Variants in PDE5A observed in about 807,000 individuals in gnomAD.
PDE5A encodes the protein cGMP-specific 3',5'-cyclic phosphodiesterase.
A neutral mutation model predicts 110.2 loss-of-function variants in PDE5A; 67 were observed. The observed-to-expected ratio is 0.61, with a 90% CI of 0.50 to 0.75. The LOEUF (loss-of-function observed/expected upper bound fraction) is 0.75, where lower values mean the gene tolerates loss of function less well. Among genes scored for constraint, PDE5A ranks in the 30% least tolerant of loss-of-function variants. The probability of loss-of-function intolerance (pLI) is 0.00; values close to 1 mark genes in which losing one functional copy is unlikely to be tolerated. For synonymous variants in PDE5A, 328 were observed against 351.2 expected (o/e 0.93, Z 0.74); for missense variants, 862 against 1,045.1 (o/e 0.82, Z 2.42).
chr4:119,593,855 T>A (rs1729063834), intron 3 of PDE5A, among the ~76,000 whole-genome samples: 1 of 152,030 alleles, frequency 6.6e-6, no homozygotes, highest in Non-Finnish European at 1.5e-5. Flanking sequence ...AAACTTACAA[T>A]CATGGCAGAA....
chr4:119,574,471 G>A (rs563192299), intron 3 of PDE5A, among the ~76,000 whole-genome samples: 13 of 151,944 alleles, frequency 8.6e-5, no homozygotes, highest in South Asian at 4.2e-4. Context: ...GTGGGCCACC[G>A]CGCCTGGCCA....
At chr4:119,539,282 A>T (rs964591180) in intron 10 of PDE5A, among the ~76,000 whole-genome samples, 2 of 152,078 alleles carry the variant, frequency 1.3e-5, no homozygotes, top group African/African-American at 4.8e-5. Flanking sequence ...TATAACAAAC[A>T]CATTATTTAT....
rs149089881 is a variant in PDE5A, at chr4:119,587,881, G to A, written c.831+8642C>T. ...GTTTACTTGCCAAATTTAAGAAAGC[G>A]GCAGTCAGTACTGTGAGTGTGAGAG... On this transcript the variant is annotated intron_variant, in intron 3 of 20. Transcript: ENST00000354960. Among the ~76,000 whole-genome samples the A allele has an allele frequency of 4.1e-3, 617 of 152,264 alleles. 11 individuals are homozygous for A. The East Asian group carries it at 0.046, about 11-fold the overall frequency.
At chr4:119,628,196 C>G (rs1730431331) in intron 1 of PDE5A, 1 of 235,196 alleles carries the variant, frequency 4.3e-6, no homozygotes, top group Non-Finnish European at 7.2e-6. Flanking sequence ...TTTTGGGGAA[C>G]CAGAGGGCTA....
At chr4:119,598,151 G>A (rs1729219121) in intron 2 of PDE5A, among the ~76,000 whole-genome samples, 1 of 152,084 alleles carries the variant, frequency 6.6e-6, no homozygotes, top group African/African-American at 2.4e-5. Flanking sequence ...GTGTTACTTT[G>A]TTAATAAACA....
intron 3 of PDE5A, among the ~76,000 whole-genome samples, chr4:119,588,392 A>G (rs1357121092): frequency 3.3e-5 from 5 of 151,702 alleles, no homozygotes; most frequent in Admixed American, 1.3e-4. Context: ...GGCCAGGCTG[A>G]TCTTGAACTC....
At chr4:119,511,255 A>G (rs901542737) in intron 14 of PDE5A, 121 bp from the exon 15 acceptor site, 1 of 624,902 alleles carries the variant, frequency 1.6e-6, no homozygotes, top group Admixed American at 2.5e-5. Context: ...ATCAACTAAC[A>G]ATTTTCTCTC....
chr4:119,520,928 A>G lies in PDE5A; in HGVS notation c.1905+7T>C. On this transcript the variant is annotated splice_region_variant and intron_variant, in intron 13 of 20. Coordinates refer to ENST00000354960, the MANE Select transcript of PDE5A (RefSeq NM_001083.4). The stretch of plus-strand genomic sequence containing the variant: ...GTATTAGATATATGAATGGCTCTAA[A>G]AAGTACCTGAATTTTGCCTGCTTTT... 6.2e-7 allele frequency: 1 copy of G among 1,606,334 alleles called. No individual in the cohort carries two copies.
chr4:119,529,269 G>A (rs10013305), intron 11 of PDE5A, among the ~76,000 whole-genome samples: 39,966 of 151,956 alleles, frequency 0.26, 5,388 homozygotes, highest in East Asian at 0.38. Context: ...ATGTTTTCAC[G>A]TAGCTAATTC....
chr4:119,580,990 C>T (rs761842157), intron 3 of PDE5A, among the ~76,000 whole-genome samples: 2 of 152,176 alleles, frequency 1.3e-5, no homozygotes, highest in African/African-American at 2.4e-5. Flanking sequence ...CAGGTGTTGG[C>T]CTGCAAAGCA....
Position 119,525,023 on chromosome 4 carries a change from T to C in PDE5A, c.1779+526A>G, listed in dbSNP as rs1238420639. On this transcript the variant is annotated intron_variant, in intron 12 of 20. Coordinates refer to ENST00000354960, the MANE Select transcript of PDE5A (RefSeq NM_001083.4). This position sits in a 1 kb window ranked among gnomAD's most constrained non-coding sequence, Gnocchi z 4.3. ...CTTGGCCTCCCATCAGGCCCCTTTA[T>C]TTCCTCCTTCATTTTCAAAGGAGTT... Among the ~76,000 whole-genome samples, 1 of 152,098 alleles carries C rather than the reference T, an allele frequency of 6.6e-6. No individual in the cohort carries two copies. Among genetic ancestry groups the C allele is most frequent in the Non-Finnish European group, 1.5e-5 (1 of 68,004 alleles).
Position 119,507,624 on chromosome 4 carries a change from TG to T in PDE5A, c.2168del (p.Thr723LysfsTer3). 1 of 1,580,752 alleles carries T rather than the reference TG, an allele frequency of 6.3e-7. No homozygotes were observed. The highest frequency in any genetic ancestry group is 8.6e-7 in the Non-Finnish European group (1 of 1,165,736). On this transcript the variant is annotated frameshift_variant, in exon 16 of 21. Transcript: ENST00000354960. LOFTEE classifies it high-confidence loss of function. ...CTTACTTAATGTACAGTGCTAGGTC[TG>T]TAGCTAAAATAGCTTGCTTGATTAT... ...LKIIKQAILA[T>X]DLALYIKRRG...
chr4:119,592,156 A>AC (rs1268864284), intron 3 of PDE5A, among the ~76,000 whole-genome samples: 6 of 127,208 alleles, frequency 4.7e-5, no homozygotes, highest in African/African-American at 1.5e-4. Flanking sequence ...GTCTCAAAAA[A>AC]AAAAAAAAAA....
In PDE5A at chr4:119,607,078, G is replaced by A. The variant is rs772145653; in HGVS notation, c.372C>T (p.Phe124=). Residue 124 remains phenylalanine, a synonymous_variant, in exon 2 of 21, where the codon TTC becomes TTT. Transcript: ENST00000354960. ...VVKDSEGTVS[F]LSDSEKKEQM... ...GTTCCTTCTTTTCTGAGTCAGAGAG[G>A]AAGCTCACAGTTCCCTCAGAATCCT... is the stretch of plus-strand genomic sequence containing the variant. 1 of 1,614,168 alleles carries A rather than the reference G, an allele frequency of 6.2e-7. No individual in the cohort carries two copies.
At chr4:119,597,764 G>T (rs1267979755) in intron 2 of PDE5A, among the ~76,000 whole-genome samples, 1 of 152,068 alleles carries the variant, frequency 6.6e-6, no homozygotes, top group East Asian at 1.9e-4. Context: ...GTAAAGCTGT[G>T]AATGAAGTGA....
chr4:119,568,579 T>C (rs1034019251), intron 3 of PDE5A, among the ~76,000 whole-genome samples: 3 of 152,180 alleles, frequency 2.0e-5, no homozygotes, highest in African/African-American at 4.8e-5. Flanking sequence ...CATAGACTTA[T>C]AGCGTAGTAG....
Position 119,494,585 on chromosome 4 carries a change from GAGGAA to G in PDE5A, c.*4011_*4015del, listed in dbSNP as rs1724996053. Reference sequence around the variant, plus strand: ...GTCATCTGAAATGACTCTCGTGATGGAGGAAAGGAAAGTAATGAAATCAACATTCA... The same window carrying G: ...GTCATCTGAAATGACTCTCGTGATGGAGGAAAGTAATGAAATCAACATTCA... On this transcript the variant is annotated 3_prime_UTR_variant, in exon 21 of 21. Transcript: ENST00000354960. The G allele has an allele frequency of 6.6e-6, 1 of 152,448 alleles. No individual in the cohort carries two copies. Among genetic ancestry groups the G allele is most frequent in the Admixed American group, 6.6e-5 (1 of 15,248 alleles). The allele number at this position is 152,448 out of a possible 1,614,324, so 9.4% of individuals were successfully genotyped here.
intron 11 of PDE5A, among the ~76,000 whole-genome samples, chr4:119,533,644 G>T (rs1425734054): frequency 1.3e-5 from 2 of 152,026 alleles, no homozygotes; most frequent in Non-Finnish European, 2.9e-5. Flanking sequence ...CATGTTATAT[G>T]ATTTTTCCTT....
chr4:119,558,766 A>G (rs941431954), intron 7 of PDE5A, among the ~76,000 whole-genome samples: 1 of 151,930 alleles, frequency 6.6e-6, no homozygotes, highest in Non-Finnish European at 1.5e-5. Flanking sequence ...AAATACAAAA[A>G]ATTAGCCGGG....
Sources: allele counts gnomAD v4.1 joint callset (sites outside exome capture counted in the v4.1 genomes callset), GRCh38; gene constraint gnomAD v4.1.1; non-coding constraint Gnocchi (gnomAD v3.1); transcripts MANE v1.5; gene names NCBI Gene and HGNC (gene_info 2026-07-23, HGNC 2026-07-21).